CTNNA2: variants seen among roughly 807,000 people sequenced by gnomAD.
The protein encoded by CTNNA2 is catenin alpha-2.
A neutral mutation model predicts 101.0 loss-of-function variants in CTNNA2; 42 were observed. The ratio of observed to expected loss-of-function variants is 0.42; its 90% CI spans 0.32 to 0.54. The LOEUF is 0.54. CTNNA2 is among the 20% of genes least tolerant of loss of function. The pLI, the probability that CTNNA2 is intolerant of heterozygous loss-of-function variation, is 0.14. For synonymous variants in CTNNA2, 450 were observed against 456.4 expected (o/e 0.99, Z 0.18); for missense variants, 871 against 1,223.1 (o/e 0.71, Z 4.29).
chr2:79,498,107 A>G (rs1573193835), intron 4 of CTNNA2: 1 of 152,220 alleles, frequency 6.6e-6, no homozygotes, highest in South Asian at 2.1e-4. Flanking sequence ...GTACACGTAT[A>G]TCTTTCCTCC....
At chr2:79,704,137 A>G (rs961263336) in intron 2 of CTNNA2, among the ~76,000 whole-genome samples, 1 of 152,186 alleles carries the variant, frequency 6.6e-6, no homozygotes, top group African/African-American at 2.4e-5. Flanking sequence ...TTTTAGCCTC[A>G]AACAACTGAC....
chr2:79,507,977 G>A (rs1417859125), intron 5 of CTNNA2, among the ~76,000 whole-genome samples: 2 of 152,188 alleles, frequency 1.3e-5, no homozygotes, highest in Non-Finnish European at 2.9e-5. Flanking sequence ...TGAATGGGCT[G>A]AGCAGCTGTA....
intron 9 of CTNNA2, among the ~76,000 whole-genome samples, chr2:80,430,385 G>A (rs1336711990): frequency 1.3e-5 from 2 of 152,002 alleles, no homozygotes; most frequent in African/African-American, 2.4e-5. Context: ...TCATAATTTT[G>A]CAGATGAGAA....
chr2:79,657,779 C>T (rs988186250), intron 2 of CTNNA2, among the ~76,000 whole-genome samples: 20 of 151,374 alleles, frequency 1.3e-4, no homozygotes, highest in African/African-American at 4.3e-4. Flanking sequence ...ATAATGGTGG[C>T]CTATATTTAG....
intron 2 of CTNNA2, among the ~76,000 whole-genome samples, chr2:79,207,656 G>A (rs1035004782): frequency 2.0e-5 from 3 of 152,122 alleles, no homozygotes; most frequent in Non-Finnish European, 4.4e-5. Context: ...GTGGTGGTTC[G>A]GGGCTTTTTA....
At chr2:80,496,414 T>A (rs1032248616) in intron 9 of CTNNA2, among the ~76,000 whole-genome samples, 118 of 127,284 alleles carry the variant, frequency 9.3e-4, no homozygotes, top group African/African-American at 3.2e-3. Flanking sequence ...TTTTTTTTTT[T>A]ATCTTAGAAC....
chr2:79,262,787 T>C (rs1674940166), intron 2 of CTNNA2, among the ~76,000 whole-genome samples: 1 of 152,198 alleles, frequency 6.6e-6, no homozygotes, highest in South Asian at 2.1e-4. Flanking sequence ...TGAAACATGC[T>C]GTAAACTTTC....
At chr2:79,229,972 T>G (rs1161829801) in intron 2 of CTNNA2, among the ~76,000 whole-genome samples, 1 of 152,216 alleles carries the variant, frequency 6.6e-6, no homozygotes, top group Non-Finnish European at 1.5e-5. Context: ...AAGAAATTTC[T>G]AAACAGCAAA....
At chr2:79,901,505 T>A (rs921917841) in intron 6 of CTNNA2, among the ~76,000 whole-genome samples, 2 of 152,172 alleles carry the variant, frequency 1.3e-5, no homozygotes, top group African/African-American at 4.8e-5. Context: ...GCATTTTCCA[T>A]GCTGATTAGC....
rs186959874 is a variant in CTNNA2, at chr2:79,362,214, A to G, written c.-317-11617A>G. On this transcript the variant is annotated intron_variant, in intron 3 of 21. Transcript: ENST00000466387. ...CATGGTCTTGCCCTAGTCCTGGCAAACACTTTCATTCATCTTACATCTTTT... is the reference window on the plus strand; with the variant it reads ...CATGGTCTTGCCCTAGTCCTGGCAAGCACTTTCATTCATCTTACATCTTTT... Among the ~76,000 whole-genome samples, 290 of 152,316 alleles carry G rather than the reference A, an allele frequency of 1.9e-3. 3 individuals are homozygous for G. Among genetic ancestry groups the G allele is most frequent in the African/African-American group, 6.5e-3 (269 of 41,572 alleles).
At chr2:80,242,202 T>C (rs1031314059) in intron 7 of CTNNA2, among the ~76,000 whole-genome samples, 1 of 152,162 alleles carries the variant, frequency 6.6e-6, no homozygotes, top group African/African-American at 2.4e-5. Flanking sequence ...AGGAAAATAA[T>C]TCTGAACTTG....
chr2:79,446,099 G>A (rs1157898690), intron 4 of CTNNA2, among the ~76,000 whole-genome samples: 1 of 151,926 alleles, frequency 6.6e-6, no homozygotes, highest in Non-Finnish European at 1.5e-5. Context: ...GGGTGTAATT[G>A]GATAAAAGAA....
intron 4 of CTNNA2, among the ~76,000 whole-genome samples, chr2:79,407,898 A>G (rs6730209): frequency 0.05 from 7,574 of 152,134 alleles, 421 homozygotes; most frequent in African/African-American, 0.14. Context: ...TGTGCAAAAC[A>G]TAGTGTTCAG....
chr2:80,545,473 G>A (rs1691973552), intron 10 of CTNNA2, among the ~76,000 whole-genome samples: 3 of 152,168 alleles, frequency 2.0e-5, no homozygotes, highest in Admixed American at 6.5e-5. Context: ...TGGGGCTCAG[G>A]AGTTCGAGGC....
At chr2:79,495,833 A>C (rs1296736496) in intron 4 of CTNNA2, among the ~76,000 whole-genome samples, 1 of 152,204 alleles carries the variant, frequency 6.6e-6, no homozygotes, top group African/African-American at 2.4e-5. Context: ...TCAACCTTGA[A>C]AATATTCGAA....
In CTNNA2 at chr2:79,446,277, T is replaced by TA. The variant is rs1425140992; in HGVS notation, c.-134-58775dup. ...GTACGCCAATAAATGTGCCCTAGAA[T>TA]AACCCTACATTGAAGGTTGGAAAAC... On this transcript the variant is annotated intron_variant, in intron 4 of 21. Coordinates refer to the CTNNA2 transcript ENST00000466387. 2.0e-5 allele frequency among the ~76,000 whole-genome samples: 3 copies of TA among 152,004 alleles called. No homozygotes were observed. In the East Asian group the frequency reaches 5.8e-4, roughly 29 times the overall value.
At chr2:79,242,050 C>T (rs1449159555) in intron 2 of CTNNA2, among the ~76,000 whole-genome samples, 1 of 152,142 alleles carries the variant, frequency 6.6e-6, no homozygotes, top group South Asian at 2.1e-4. Flanking sequence ...GGATTACAGG[C>T]CCCCGCCACC....
intron 2 of CTNNA2, among the ~76,000 whole-genome samples, chr2:79,258,295 G>T (rs1178429883): frequency 6.6e-6 from 1 of 152,142 alleles, no homozygotes; most frequent in Non-Finnish European, 1.5e-5. Flanking sequence ...AGAATATTTG[G>T]ATTCTATTCT....
chr2:80,636,121 G>A (rs1394551201), intron 18 of CTNNA2, among the ~76,000 whole-genome samples: 1 of 151,980 alleles, frequency 6.6e-6, no homozygotes, highest in Admixed American at 6.6e-5. Context: ...TATTTGGTTA[G>A]TAAATGTGTG....
Sources: gnomAD v4.1 joint callset for allele counts (sites outside exome capture counted in the v4.1 genomes callset) on GRCh38, gnomAD v4.1.1 for gene constraint, MANE v1.5 for transcripts, NCBI Gene and HGNC (gene_info 2026-07-23, HGNC 2026-07-21) for gene names.